The following FTO variants were observed in gnomAD, a reference collection of about 807,000 sequenced individuals.
The protein encoded by FTO is FTO alpha-ketoglutarate dependent dioxygenase.
A neutral mutation model predicts 63.9 loss-of-function variants in FTO; 47 were observed. The observed-to-expected ratio is 0.74, with a 90% CI of 0.58 to 0.94. The LOEUF (loss-of-function observed/expected upper bound fraction) is 0.94. Ranked by LOEUF, FTO falls within the 40% of genes least tolerant of loss-of-function variation. The probability of loss-of-function intolerance (pLI) is 0.00; values close to 1 mark genes in which losing one functional copy is unlikely to be tolerated. For synonymous variants in FTO, 207 were observed against 224.4 expected (o/e 0.92, Z 0.69); for missense variants, 562 against 618.1 (o/e 0.91, Z 0.96).
At chr16:54,012,852 T>TTCAAAATA (rs778981353) in intron 8 of FTO, among the ~76,000 whole-genome samples, 6 of 152,104 alleles carry the variant, frequency 3.9e-5, no homozygotes, top group Non-Finnish European at 7.4e-5. Context: ...AAAGATTCCT[T>TTCAAAATA]TCAAAATATC....
chr16:53,776,452 T>G (rs1247568742), intron 1 of FTO, among the ~76,000 whole-genome samples: 5 of 152,190 alleles, frequency 3.3e-5, no homozygotes, highest in Non-Finnish European at 7.3e-5. Flanking sequence ...ATGTGTTTGC[T>G]TTAGGCCAGA....
intron 2 of FTO, among the ~76,000 whole-genome samples, chr16:53,825,548 G>C (rs2078981171): frequency 6.6e-6 from 1 of 152,126 alleles, no homozygotes; most frequent in Non-Finnish European, 1.5e-5. Flanking sequence ...TTAATAAAAT[G>C]GTGTTGAGAT....
chr16:53,953,969 A>G (rs1288000759), intron 8 of FTO, among the ~76,000 whole-genome samples: 1 of 152,222 alleles, frequency 6.6e-6, no homozygotes, highest in East Asian at 1.9e-4. Flanking sequence ...GCTACTCCCA[A>G]TGTATATCTG....
chr16:53,907,950 A>G (rs1033903396), intron 7 of FTO, among the ~76,000 whole-genome samples: 1 of 152,198 alleles, frequency 6.6e-6, no homozygotes, highest in African/African-American at 2.4e-5. Flanking sequence ...TTCTGGAGGC[A>G]CTGAGATTCT....
At chr16:53,841,453 A>AT (rs2079474607) in intron 3 of FTO, among the ~76,000 whole-genome samples, 1 of 152,194 alleles carries the variant, frequency 6.6e-6, no homozygotes. Context: ...TACTGTTAAT[A>AT]TGGCAGTGTT....
intron 8 of FTO, among the ~76,000 whole-genome samples, chr16:53,952,075 A>G (rs151196754): frequency 6.6e-6 from 1 of 152,298 alleles, no homozygotes; most frequent in East Asian, 1.9e-4. Flanking sequence ...GTACTATTCT[A>G]CGTGTTTTGC....
At chr16:53,978,554 T>C (rs946294650) in intron 8 of FTO, among the ~76,000 whole-genome samples, 4 of 152,238 alleles carry the variant, frequency 2.6e-5, no homozygotes, top group Non-Finnish European at 5.9e-5. Flanking sequence ...TGTTGTTTTC[T>C]TGTTCATTTG....
chr16:53,825,763 C>A (rs1186371542), intron 2 of FTO, 101 bp from the exon 3 acceptor site: 15 of 1,337,544 alleles, frequency 1.1e-5, no homozygotes, highest in South Asian at 4.7e-5. Context: ...ACCAGGTAGT[C>A]CCCCCACAAC....
chr16:53,871,941 G>T (rs2080510421), intron 4 of FTO, among the ~76,000 whole-genome samples: 1 of 152,030 alleles, frequency 6.6e-6, no homozygotes, highest in African/African-American at 2.4e-5. Flanking sequence ...TGGCCAGGCT[G>T]GTCTCGAACT....
At chr16:53,779,236 T>C (rs2077531556) in intron 1 of FTO, among the ~76,000 whole-genome samples, 1 of 152,138 alleles carries the variant, frequency 6.6e-6, no homozygotes, top group Non-Finnish European at 1.5e-5. Flanking sequence ...AGAATCCCAA[T>C]CTTCCAGTTT....
chr16:54,043,622 C>T (rs1368508433), intron 8 of FTO, among the ~76,000 whole-genome samples: 1 of 7,938 alleles, frequency 1.3e-4, no homozygotes, highest in Non-Finnish European at 1.6e-4. Context: ...CAAAGATACT[C>T]CTCGAGAAGA....
At chr16:53,848,233 CG>C (rs2079689740) in intron 4 of FTO, among the ~76,000 whole-genome samples, 1 of 152,092 alleles carries the variant, frequency 6.6e-6, no homozygotes, top group African/African-American at 2.4e-5. Flanking sequence ...GGAGGGACTT[CG>C]GCCCCGTGCT....
At chr16:53,883,163 T>G (rs1344876205) in intron 6 of FTO, among the ~76,000 whole-genome samples, 1 of 152,212 alleles carries the variant, frequency 6.6e-6, no homozygotes, top group African/African-American at 2.4e-5. Flanking sequence ...CAATTTTCAG[T>G]GTCAGACTAG....
At chr16:53,985,772 G>A (rs973386158) in intron 8 of FTO, among the ~76,000 whole-genome samples, 11 of 152,180 alleles carry the variant, frequency 7.2e-5, no homozygotes, top group Non-Finnish European at 1.6e-4. Flanking sequence ...GACATTTCCT[G>A]AGTAAAATGA....
chr16:53,762,233 C>G (rs1191927533), intron 1 of FTO, among the ~76,000 whole-genome samples: 1 of 152,130 alleles, frequency 6.6e-6, no homozygotes, highest in South Asian at 2.1e-4. Context: ...TGCCTTTCAG[C>G]ACAGGATAGC....
chr16:53,733,116 G>A (rs1017230916), intron 1 of FTO, among the ~76,000 whole-genome samples: 1 of 152,138 alleles, frequency 6.6e-6, no homozygotes, highest in African/African-American at 2.4e-5. Flanking sequence ...AAGATGAACT[G>A]AGGCCAGGCA....
chr16:53,998,002 C>A (rs1599171542), intron 8 of FTO, among the ~76,000 whole-genome samples: 2 of 152,186 alleles, frequency 1.3e-5, no homozygotes, highest in South Asian at 4.1e-4. Context: ...GATGGGGCCA[C>A]TGTCTAGCGC....
chr16:53,958,354 TC>T (rs2082979414), intron 8 of FTO, among the ~76,000 whole-genome samples: 1 of 152,180 alleles, frequency 6.6e-6, no homozygotes, highest in African/African-American at 2.4e-5. Flanking sequence ...TTGTGCCTCT[TC>T]CTGGGTTGCC....
chr16:53,842,237 G>A (rs7203051), intron 3 of FTO, among the ~76,000 whole-genome samples: 1 of 151,864 alleles, frequency 6.6e-6, no homozygotes, highest in Admixed American at 6.6e-5. Context: ...AGTTTAAAGT[G>A]TGATGGAATT....
Sources: gnomAD v4.1 joint callset for allele counts (sites outside exome capture counted in the v4.1 genomes callset) on GRCh38, gnomAD v4.1.1 for gene constraint, MANE v1.5 for transcripts, NCBI Gene and HGNC (gene_info 2026-07-23, HGNC 2026-07-21) for gene names.